RCN1: variants seen among roughly 807,000 people sequenced by gnomAD.
RCN1 encodes the protein reticulocalbin 1, also known as reticulocalbin-1.
A neutral mutation model predicts 34.7 loss-of-function variants in RCN1; 14 were observed. That is an observed-to-expected ratio of 0.40 (90% CI 0.27 to 0.63). The LOEUF is 0.63. RCN1 is among the 30% of genes least tolerant of loss of function. The pLI is 0.37. For missense variants in RCN1, 326 were observed against 425.1 expected (o/e 0.77, Z 2.05); for synonymous variants, 125 against 165.5 (o/e 0.76, Z 1.88).
chr11:32,098,348 A>G lies in RCN1; in HGVS notation c.449-2A>G, dbSNP rs1367355890. On this transcript the variant is annotated splice_acceptor_variant, in intron 2 of 5. Coordinates refer to ENST00000054950, the MANE Select transcript of RCN1 (RefSeq NM_002901.4). LOFTEE classifies it high-confidence loss of function. Reference sequence around the variant, plus strand: ...ACATTTCTGCATACATACATCCTGCAGGAAACCCCGCAGAGTTTCATGATT... The same window carrying G: ...ACATTTCTGCATACATACATCCTGCGGGAAACCCCGCAGAGTTTCATGATT... The G allele has an allele frequency of 6.2e-7, 1 of 1,608,070 alleles. No individual in the cohort carries two copies. Among genetic ancestry groups the G allele is most frequent in the East Asian group, 2.2e-5 (1 of 44,860 alleles).
At chr11:32,091,546 G>T (rs576319046) in intron 1 of RCN1, 96 bp downstream of exon 1, 1 of 1,456,336 alleles carries the variant, frequency 6.9e-7, no homozygotes, top group Admixed American at 2.7e-5. Context: ...AAGCGAAAGC[G>T]AAATCGCGCG....
chr11:32,103,131 C>G (rs777574085), intron 4 of RCN1, 150 bp from the exon 5 acceptor site: 1 of 690,224 alleles, frequency 1.4e-6, no homozygotes, highest in Admixed American at 2.3e-5. Context: ...CATCATTATC[C>G]CCAAGAAGCT....
intron 1 of RCN1, among the ~76,000 whole-genome samples, chr11:32,092,826 C>T (rs2133471835): frequency 6.6e-6 from 1 of 152,228 alleles, no homozygotes; most frequent in South Asian, 2.1e-4. Context: ...ACACAGCCAT[C>T]CCTGTGCTCC....
In RCN1 at chr11:32,098,431, C is replaced by T; in HGVS notation, c.530C>T (p.Ala177Val). 6.2e-7 allele frequency: 1 copy of T among 1,614,066 alleles called. No individual in the cohort carries two copies. Among genetic ancestry groups the T allele is most frequent in the Non-Finnish European group, 8.5e-7 (1 of 1,179,934 alleles). The stretch of plus-strand genomic sequence containing the variant: ...CCACGTGATGAGAGAAGATTCAAAG[C>T]TGCAGACCTCAATGGTGACCTGACA... ...MLPRDERRFKAADLNGDLTAT... is the reference protein window; with the variant it reads ...MLPRDERRFKVADLNGDLTAT... Residue 177 changes from alanine to valine, a missense_variant, in exon 3 of 6, where the codon GCT becomes GTT. Transcript: ENST00000054950.
chr11:32,099,543 T>A (rs1852012171), intron 3 of RCN1, among the ~76,000 whole-genome samples: 1 of 152,162 alleles, frequency 6.6e-6, no homozygotes, highest in Non-Finnish European at 1.5e-5. Context: ...CTTTGAGGAA[T>A]GACTATGCTT....
At position 32,091,241 on chromosome 11, in the gene RCN1, G is replaced by T. The variant is rs1382454718; in HGVS notation, c.45G>T (p.Gly15=). The change falls in exon 1 of 6, where the codon GGG becomes GGT. Residue 15 remains glycine, a synonymous_variant. Coordinates refer to ENST00000054950, the MANE Select transcript of RCN1 (RefSeq NM_002901.4). ...GRGRRLGLAL[G]LLLALVLAPR... ...GCCGCCGCCTGGGGTTAGCCCTGGGGCTGCTGCTGGCGCTGGTGCTGGCGC... is the reference window on the plus strand; with the variant it reads ...GCCGCCGCCTGGGGTTAGCCCTGGGTCTGCTGCTGGCGCTGGTGCTGGCGC... The T allele has an allele frequency of 6.5e-7, 1 of 1,530,634 alleles. No individual in the cohort carries two copies. The allele number at this position is 1,530,634 out of a possible 1,614,324, so 94.8% of individuals were successfully genotyped here. A position where few individuals can be genotyped will look rare whatever the true frequency, so the allele number is the denominator to read the frequency against.
chr11:32,100,533 C>G lies in RCN1; in HGVS notation c.628-15C>G, dbSNP rs755310124. The G allele has an allele frequency of 6.2e-7, 1 of 1,611,540 alleles. No individual in the cohort carries two copies. The highest frequency in any genetic ancestry group is 8.5e-7 in the Non-Finnish European group (1 of 1,177,868). On this transcript the variant is annotated splice_polypyrimidine_tract_variant and intron_variant, in intron 3 of 5. Coordinates refer to ENST00000054950, the MANE Select transcript of RCN1 (RefSeq NM_002901.4). The stretch of plus-strand genomic sequence containing the variant: ...CATGGCCATCTTGCATTCTGTTTTA[C>G]CTTTTGCTTCCTAGGAAACCCTGGA...
intron 1 of RCN1, among the ~76,000 whole-genome samples, chr11:32,094,741 G>T (rs937431808): frequency 9.2e-5 from 14 of 152,136 alleles, no homozygotes; most frequent in Non-Finnish European, 1.6e-4. Context: ...TGTGAAGTAG[G>T]TGTTCAGTTT....
At chr11:32,101,046 GTGTC>G (rs1415168483) in intron 4 of RCN1, among the ~76,000 whole-genome samples, 1 of 152,238 alleles carries the variant, frequency 6.6e-6, no homozygotes, top group African/African-American at 2.4e-5. Flanking sequence ...AACTGTTTAT[GTGTC>G]TGAGCACTTT....
In RCN1 at chr11:32,104,356, C is replaced by T; in HGVS notation, c.889-9C>T. 1 of 1,535,932 alleles carries T rather than the reference C, an allele frequency of 6.5e-7. No homozygotes were observed. Among genetic ancestry groups the T allele is most frequent in the Non-Finnish European group, 9.0e-7 (1 of 1,109,210 alleles). On this transcript the variant is annotated splice_polypyrimidine_tract_variant and intron_variant, in intron 5 of 5. Transcript: ENST00000054950. ...CTTCCATGACAGTGCTCTTTGATCT[C>T]TTCTATAGGATGAGAAGCTAACTAA...
At chr11:32,096,161 CAAAG>C (rs1184559388) in intron 1 of RCN1, among the ~76,000 whole-genome samples, 5 of 152,144 alleles carry the variant, frequency 3.3e-5, no homozygotes, top group African/African-American at 1.2e-4. Context: ...CAGCCCAAAA[CAAAG>C]AAAGAAATCT....
chr11:32,101,130 T>G (rs1852032790), intron 4 of RCN1, among the ~76,000 whole-genome samples: 1 of 152,216 alleles, frequency 6.6e-6, no homozygotes, highest in Non-Finnish European at 1.5e-5. Context: ...ATATGCTCAT[T>G]TTGTGCCCCT....
At chr11:32,095,593 A>G (rs1047143942) in intron 1 of RCN1, among the ~76,000 whole-genome samples, 1 of 152,140 alleles carries the variant, frequency 6.6e-6, no homozygotes, top group Non-Finnish European at 1.5e-5. Flanking sequence ...TATTTTTAGT[A>G]GAGACGGGGT....
Position 32,104,254 on chromosome 11 carries a change from A to G in RCN1, c.889-111A>G, listed in dbSNP as rs956662978. 7.5e-6 allele frequency: 5 copies of G among 665,408 alleles called. No individual in the cohort carries two copies. The Admixed American group carries it at 7.7e-5, about 10-fold the overall frequency. The allele number at this position is 665,408 out of a possible 1,614,324, so 41.2% of individuals were successfully genotyped here. A position where few individuals can be genotyped will look rare whatever the true frequency, so the allele number is the denominator to read the frequency against. ...GGAGGTGCCCAGTAGCTTCTGGATTACTAAATATAGTATTTTAAATGTTGT... is the reference window on the plus strand; with the variant it reads ...GGAGGTGCCCAGTAGCTTCTGGATTGCTAAATATAGTATTTTAAATGTTGT... On this transcript the variant is annotated intron_variant, in intron 5 of 5. Transcript: ENST00000054950.
At position 32,091,205 on chromosome 11, in the gene RCN1, C is replaced by T; in HGVS notation, c.9C>T (p.Arg3=). The T allele has an allele frequency of 4.2e-6, 6 of 1,435,550 alleles. No individual in the cohort carries two copies. In the South Asian group the frequency reaches 4.6e-5, roughly 11 times the overall value. 88.9% of individuals were successfully genotyped at this position (1,435,550 alleles called of 1,614,324 possible). Reference sequence around the variant, plus strand: ...GCCCTCTCCTCGGGACGATGGCGCGCGGTGGCCGCGGCCGCCGCCTGGGGT... The same window carrying T: ...GCCCTCTCCTCGGGACGATGGCGCGTGGTGGCCGCGGCCGCCGCCTGGGGT... MA[R]GGRGRRLGLA... The change falls in exon 1 of 6, where the codon CGC becomes CGT. Residue 3 remains arginine (R), a synonymous_variant. Transcript: ENST00000054950.
chr11:32,103,264 A>G lies in RCN1; in HGVS notation c.689-17A>G, dbSNP rs750498977. The G allele has an allele frequency of 5.6e-6, 9 of 1,612,954 alleles. No homozygotes were observed. In the East Asian group the frequency reaches 8.9e-5, roughly 16 times the overall value. On this transcript the variant is annotated splice_polypyrimidine_tract_variant and intron_variant, in intron 4 of 5. Coordinates refer to ENST00000054950, the MANE Select transcript of RCN1 (RefSeq NM_002901.4). ...TTCCCACTTTCCTTTGTAACCAACA[A>G]TAACCTTCCCTTCTAGCGGATATGT...
Position 32,103,308 on chromosome 11 carries a change from G to T in RCN1, c.716G>T (p.Gly239Val). 1 of 1,613,962 alleles carries T rather than the reference G, an allele frequency of 6.2e-7. No individual in the cohort carries two copies. Among genetic ancestry groups the T allele is most frequent in the Non-Finnish European group, 8.5e-7 (1 of 1,179,850 alleles). The change falls in exon 5 of 6, where the codon GGC (glycine) becomes GTC (valine). Residue 239 changes from glycine to valine, a missense_variant. Gly to Val is a moderately radical substitution (Grantham distance 109, BLOSUM62 -3). Coordinates refer to ENST00000054950, the MANE Select transcript of RCN1 (RefSeq NM_002901.4). Reference protein sequence around the residue: ...IADMFSHEENGPEPDWVLSER... With the variant: ...IADMFSHEENVPEPDWVLSER... ...GATATGTTTTCCCATGAGGAGAATG[G>T]CCCTGAGCCAGACTGGGTTTTATCA...
At chr11:32,099,895 A>T (rs575591707) in intron 3 of RCN1, among the ~76,000 whole-genome samples, 1 of 152,314 alleles carries the variant, frequency 6.6e-6, no homozygotes, top group Admixed American at 6.5e-5. Flanking sequence ...CAGGTGGTGA[A>T]TGATCCCGAG....
chr11:32,103,059 T>A (rs1257064570), intron 4 of RCN1: 1 of 643,478 alleles, frequency 1.6e-6, no homozygotes, highest in Non-Finnish European at 2.9e-6. Flanking sequence ...GATTTATCTT[T>A]TGGCTTCTAA....
Sources: allele counts gnomAD v4.1 joint callset (sites outside exome capture counted in the v4.1 genomes callset), GRCh38; gene constraint gnomAD v4.1.1; transcripts MANE v1.5; gene names NCBI Gene and HGNC (gene_info 2026-07-23, HGNC 2026-07-21).